The following TCF15 variants were observed in gnomAD, a reference collection of about 807,000 sequenced individuals.
The protein encoded by TCF15 is TCF-15.
A neutral mutation model predicts 11.1 loss-of-function variants in TCF15; 7 were observed. That is an observed-to-expected ratio of 0.63 (90% confidence interval 0.36 to 1.19). The LOEUF is 1.19. Among genes scored for constraint, TCF15 ranks in the 50% most tolerant of loss-of-function variants. The probability of loss-of-function intolerance (pLI) is 0.02; values close to 1 mark genes in which losing one functional copy is unlikely to be tolerated. For missense variants in TCF15, 288 were observed against 289.4 expected (o/e 1.00, Z 0.03); for synonymous variants, 144 against 138.9 (o/e 1.04, Z -0.26).
chr20:606,942 C>T (rs1420096956), intron 1 of TCF15, among the ~76,000 whole-genome samples: 2 of 152,124 alleles, frequency 1.3e-5, no homozygotes, highest in African/African-American at 2.4e-5. Context: ...ACCTAGGCTT[C>T]GATCCCTACT....
At chr20:608,929 GC>G (rs1301088679) in intron 1 of TCF15, among the ~76,000 whole-genome samples, 1 of 152,146 alleles carries the variant, frequency 6.6e-6, no homozygotes, top group Non-Finnish European at 1.5e-5. Context: ...CTGCCACACA[GC>G]CCCCGCCCAC....
rs758676405 is a variant in TCF15, at chr20:609,770, G to C, written c.468C>G (p.Asp156Glu). Reference sequence around the variant, plus strand: ...AGATGGAGCGCGGCTGGCGGCCGCCGTCGGCGGCGGCGGGGACGGCGCCCT... The same window carrying C: ...AGATGGAGCGCGGCTGGCGGCCGCCCTCGGCGGCGGCGGGGACGGCGCCCT... ...SAKGAVPAAA[D>E]GGRQPRSICT... The change falls in exon 1 of 2, where the codon GAC becomes GAG. Residue 156 changes from aspartate (D) to glutamate (E), a missense_variant. Transcript: ENST00000246080. This position sits in a 1 kb window ranked among gnomAD's most constrained non-coding sequence, Gnocchi z 4.7. 4 of 1,408,462 alleles carry C rather than the reference G, an allele frequency of 2.8e-6. No individual in the cohort carries two copies. Among genetic ancestry groups the C allele is most frequent in the Middle Eastern group, 2.4e-4 (1 of 4,166 alleles). 87.2% of individuals were successfully genotyped at this position (1,408,462 alleles called of 1,614,324 possible). A position where few individuals can be genotyped will look rare whatever the true frequency, so the allele number is the denominator to read the frequency against.
In TCF15 at chr20:604,294, TTCTC is replaced by T. The variant is rs1222136605; in HGVS notation, c.*293_*296del. 3 of 485,812 alleles carry T rather than the reference TTCTC, an allele frequency of 6.2e-6. No individual in the cohort carries two copies. The highest frequency in any genetic ancestry group is 7.4e-6 in the Non-Finnish European group (2 of 269,526). The allele number at this position is 485,812 out of a possible 1,614,324, so 30.1% of individuals were successfully genotyped here. A position where few individuals can be genotyped will look rare whatever the true frequency, so the allele number is the denominator to read the frequency against. On this transcript the variant is annotated 3_prime_UTR_variant, in exon 2 of 2. Transcript: ENST00000246080. This position sits in a 1 kb window ranked among gnomAD's most constrained non-coding sequence, Gnocchi z 4.2. ...ATAGCTTTTATTTTAAACTCACCAA[TTCTC>T]TCTCACACACACTCACACTCACGCA... is the stretch of plus-strand genomic sequence containing the variant.
rs998181354 is a variant in TCF15, at chr20:604,642, G to GC, written c.548dup (p.Ser184GlnfsTer100). 2.3e-5 allele frequency: 36 copies of GC among 1,553,702 alleles called. No individual in the cohort carries two copies. Among genetic ancestry groups the GC allele is most frequent in the Non-Finnish European group, 2.9e-5 (33 of 1,148,104 alleles). On this transcript the variant is annotated frameshift_variant, in exon 2 of 2. Coordinates refer to ENST00000246080, the MANE Select transcript of TCF15 (RefSeq NM_004609.4). LOFTEE classifies it high-confidence loss of function. The surrounding 1 kb of genome is among the most constrained non-coding windows in gnomAD (Gnocchi z 4.2). The stretch of plus-strand genomic sequence containing the variant: ...CCACCCCCCTCACCTTCAAGCAGCT[G>GC]CCCCCCAGGTCACGACGGCCACCCT...
rs1433272581 is a variant in TCF15, at chr20:609,873, G to A, written c.365C>T (p.Ala122Val). 4 of 1,527,824 alleles carry A rather than the reference G, an allele frequency of 2.6e-6. No individual in the cohort carries two copies. The highest frequency in any genetic ancestry group is 2.4e-5 in the South Asian group (2 of 82,210). 94.6% of individuals were successfully genotyped at this position (1,527,824 alleles called of 1,614,324 possible). Reference protein sequence around the residue: ...ETVRLASSYIAHLANVLLLGD... With the variant: ...ETVRLASSYIVHLANVLLLGD... ...CAGCAGCAGCACGTTGGCCAGGTGC[G>A]CGATGTAGCTGGACGCCAGGCGCAC... The change falls in exon 1 of 2, where the codon GCG becomes GTG. Residue 122 changes from alanine (A) to valine (V), a missense_variant. By Grantham distance (64) the Ala-to-Val change is moderately conservative. Coordinates refer to ENST00000246080, the MANE Select transcript of TCF15 (RefSeq NM_004609.4). This position sits in a 1 kb window ranked among gnomAD's most constrained non-coding sequence, Gnocchi z 4.7.
intron 1 of TCF15, among the ~76,000 whole-genome samples, chr20:607,104 T>C (rs2019982150): frequency 6.6e-6 from 1 of 152,182 alleles, no homozygotes; most frequent in Non-Finnish European, 1.5e-5. Flanking sequence ...AAATGTTCAA[T>C]AAATGTTCAT....
chr20:609,759 T>C lies in TCF15; in HGVS notation c.479A>G (p.Gln160Arg). The change falls in exon 1 of 2, where the codon CAG becomes CGG. Residue 160 changes from glutamine (Q) to arginine (R), a missense_variant. Gln to Arg is a conservative substitution (Grantham distance 43, BLOSUM62 1). Transcript: ENST00000246080. This position sits in a 1 kb window ranked among gnomAD's most constrained non-coding sequence, Gnocchi z 4.7. ...GCAGAAGGTGCAGATGGAGCGCGGC[T>C]GGCGGCCGCCGTCGGCGGCGGCGGG... The part of the protein sequence containing the change: ...AVPAAADGGR[Q>R]PRSICTFCLS... 7.1e-7 allele frequency: 1 copy of C among 1,405,292 alleles called. No homozygotes were observed. The highest frequency in any genetic ancestry group is 1.6e-5 in the South Asian group (1 of 63,112). The allele number at this position is 1,405,292 out of a possible 1,614,324, so 87.1% of individuals were successfully genotyped here.
chr20:609,653 A>G lies in TCF15; in HGVS notation c.525+60T>C, dbSNP rs143851183. 0.042 allele frequency: 55,429 copies of G among 1,317,356 alleles called. 1,442 individuals are homozygous for G. The highest frequency in any genetic ancestry group is 0.11 in the South Asian group (5,159 of 45,500). 81.6% of individuals were successfully genotyped at this position (1,317,356 alleles called of 1,614,324 possible). On this transcript the variant is annotated intron_variant, in intron 1 of 1. Transcript: ENST00000246080. This position sits in a 1 kb window ranked among gnomAD's most constrained non-coding sequence, Gnocchi z 4.7. ...CCCTGCACCTCTCCGGTTCCCGCAG[A>G]GGCGCTGCCCCCCGCCTACCCCGAC...
At chr20:608,144 G>T (rs552976984) in intron 1 of TCF15, among the ~76,000 whole-genome samples, 7 of 152,138 alleles carry the variant, frequency 4.6e-5, no homozygotes, top group Non-Finnish European at 1.0e-4. Flanking sequence ...CACTCACCCT[G>T]GGTTGGAGGC....
chr20:609,932 C>T lies in TCF15; in HGVS notation c.306G>A (p.Glu102=). The stretch of plus-strand genomic sequence containing the variant: ...TCTTGGACAGCTTGCGGTCCACCGG[C>T]TCGGTGGGGATGAGCGTGCGCAGCG... ...FTALRTLIPT[E]PVDRKLSKIE... Residue 102 remains glutamate (E), a synonymous_variant, in exon 1 of 2, where the codon GAG becomes GAA. Transcript: ENST00000246080. The surrounding 1 kb of genome is among the most constrained non-coding windows in gnomAD (Gnocchi z 4.7). 6.6e-7 allele frequency: 1 copy of T among 1,516,522 alleles called. No individual in the cohort carries two copies. Among genetic ancestry groups the T allele is most frequent in the Non-Finnish European group, 8.8e-7 (1 of 1,141,504 alleles). 93.9% of individuals were successfully genotyped at this position (1,516,522 alleles called of 1,614,324 possible).
chr20:610,048 C>T lies in TCF15; in HGVS notation c.190G>A (p.Gly64Ser), dbSNP rs758317029. The T allele has an allele frequency of 5.9e-5, 67 of 1,133,188 alleles. 2 individuals are homozygous for T. The South Asian group carries it at 2.4e-3, about 41-fold the overall frequency. The allele number at this position is 1,133,188 out of a possible 1,614,324, so 70.2% of individuals were successfully genotyped here. ...GGGRRAGGGGGAGPVVVVRQR... is the reference protein window; with the variant it reads ...GGGRRAGGGGSAGPVVVVRQR... Reference sequence around the variant, plus strand: ...CGCACCACCACCACGGGGCCCGCGCCGCCGCCGCCGCCCGCCCGCCGCCCG... The same window carrying T: ...CGCACCACCACCACGGGGCCCGCGCTGCCGCCGCCGCCCGCCCGCCGCCCG... Residue 64 changes from glycine to serine, a missense_variant, in exon 1 of 2, where the codon GGC becomes AGC. By Grantham distance (56) the Gly-to-Ser change is moderately conservative. Coordinates refer to ENST00000246080, the MANE Select transcript of TCF15 (RefSeq NM_004609.4).
chr20:604,785 A>T lies in TCF15; in HGVS notation c.526-120T>A. 2.5e-6 allele frequency: 2 copies of T among 800,348 alleles called. No individual in the cohort carries two copies. Among genetic ancestry groups the T allele is most frequent in the Non-Finnish European group, 3.9e-6 (2 of 508,418 alleles). 49.6% of individuals were successfully genotyped at this position (800,348 alleles called of 1,614,324 possible). ...TAAATCACAGTTCAGCCACACGATC[A>T]AGTTCTCTGCAACAGAAAGCAGAAG... On this transcript the variant is annotated intron_variant, in intron 1 of 1. Transcript: ENST00000246080. The surrounding 1 kb of genome is among the most constrained non-coding windows in gnomAD (Gnocchi z 4.2).
Position 604,549 on chromosome 20 carries a change from A to G in TCF15, c.*42T>C, listed in dbSNP as rs1443318470. The G allele has an allele frequency of 6.5e-7, 1 of 1,530,320 alleles. No homozygotes were observed. The highest frequency in any genetic ancestry group is 1.4e-5 in the African/African-American group (1 of 72,624). 94.8% of individuals were successfully genotyped at this position (1,530,320 alleles called of 1,614,324 possible). On this transcript the variant is annotated 3_prime_UTR_variant, in exon 2 of 2. Transcript: ENST00000246080. The surrounding 1 kb of genome is among the most constrained non-coding windows in gnomAD (Gnocchi z 4.2). ...GCTCCTGGGGTCTTCTTCCCTGTCC[A>G]GCCAGTGGCTGGCTCCTGGCCTCCT...
chr20:610,007 G>A lies in TCF15; in HGVS notation c.231C>T (p.Ala77=). ...GAGTGCGGTCCCGCTCCCGCGCGTT[G>A]GCCGCCTGCCGCTGTCGCACCACCA... ...PVVVVRQRQA[A]NARERDRTQS... The change falls in exon 1 of 2, where the codon GCC becomes GCT. Residue 77 remains alanine, a synonymous_variant. Transcript: ENST00000246080. 1 of 1,329,746 alleles carries A rather than the reference G, an allele frequency of 7.5e-7. No homozygotes were observed. Among genetic ancestry groups the A allele is most frequent in the South Asian group, 2.0e-5 (1 of 49,946 alleles). 82.4% of individuals were successfully genotyped at this position (1,329,746 alleles called of 1,614,324 possible).
Position 610,253 on chromosome 20 carries a change from C to T in TCF15, c.-16G>A, listed in dbSNP as rs1458106955. ...CGAACGCCATGGGCGCCGGCCGCGT[C>T]CCTCCGTGCGCCGCGTCCCAGCGTC... is the stretch of plus-strand genomic sequence containing the variant. On this transcript the variant is annotated 5_prime_UTR_variant, in exon 1 of 2. Transcript: ENST00000246080. The T allele has an allele frequency of 1.9e-5, 19 of 991,838 alleles. No homozygotes were observed. Among genetic ancestry groups the T allele is most frequent in the Non-Finnish European group, 2.3e-5 (19 of 835,474 alleles). The allele number at this position is 991,838 out of a possible 1,614,324, so 61.4% of individuals were successfully genotyped here. A position where few individuals can be genotyped will look rare whatever the true frequency, so the allele number is the denominator to read the frequency against.
At chr20:607,824 G>A (rs745988944) in intron 1 of TCF15, among the ~76,000 whole-genome samples, 1 of 152,202 alleles carries the variant, frequency 6.6e-6, no homozygotes, top group Non-Finnish European at 1.5e-5. Context: ...GTGTCTCTGC[G>A]CCACTGGCAG....
chr20:609,638 C>T lies in TCF15; in HGVS notation c.525+75G>A. 7.6e-7 allele frequency: 1 copy of T among 1,307,886 alleles called. No homozygotes were observed. Among genetic ancestry groups the T allele is most frequent in the Non-Finnish European group, 9.7e-7 (1 of 1,035,844 alleles). 81.0% of individuals were successfully genotyped at this position (1,307,886 alleles called of 1,614,324 possible). A position where few individuals can be genotyped will look rare whatever the true frequency, so the allele number is the denominator to read the frequency against. On this transcript the variant is annotated intron_variant, in intron 1 of 1. Coordinates refer to ENST00000246080, the MANE Select transcript of TCF15 (RefSeq NM_004609.4). The surrounding 1 kb of genome is among the most constrained non-coding windows in gnomAD (Gnocchi z 4.7). ...GGCCTCGTTGGGGACCCCTGCACCTCTCCGGTTCCCGCAGAGGCGCTGCCC... is the reference window on the plus strand; with the variant it reads ...GGCCTCGTTGGGGACCCCTGCACCTTTCCGGTTCCCGCAGAGGCGCTGCCC...
rs1799400420 is a variant in TCF15 at position 609,533 on chromosome 20, G to T, written c.525+180C>A. Among the ~76,000 whole-genome samples the T allele has an allele frequency of 6.6e-6, 1 of 152,192 alleles. No homozygotes were observed. Among genetic ancestry groups the T allele is most frequent in the Non-Finnish European group, 1.5e-5 (1 of 68,040 alleles). ...ACTCTGGGTTTTCCCGCATCCTTCT[G>T]TTTGGGGGCCTGGGCATTAAGTCAG... On this transcript the variant is annotated intron_variant, in intron 1 of 1. Coordinates refer to ENST00000246080, the MANE Select transcript of TCF15 (RefSeq NM_004609.4). This position sits in a 1 kb window ranked among gnomAD's most constrained non-coding sequence, Gnocchi z 4.7.
At chr20:607,410 G>A (rs1312257968) in intron 1 of TCF15, among the ~76,000 whole-genome samples, 1 of 152,210 alleles carries the variant, frequency 6.6e-6, no homozygotes, top group Non-Finnish European at 1.5e-5. Context: ...CAGGGTAAAG[G>A]AACGGGGTCT....
Sources: allele counts gnomAD v4.1 joint callset (sites outside exome capture counted in the v4.1 genomes callset), GRCh38; gene constraint gnomAD v4.1.1; non-coding constraint Gnocchi (gnomAD v3.1); transcripts MANE v1.5; gene names NCBI Gene and HGNC (gene_info 2026-07-23, HGNC 2026-07-21).